The following PYY variants were observed in gnomAD, a reference collection of about 807,000 sequenced individuals.
The protein encoded by PYY is peptide tyrosine tyrosine.
A neutral mutation model predicts 10.3 loss-of-function variants in PYY; 12 were observed. The observed-to-expected ratio is 1.17, with a 90% CI of 0.75 to 1.89. The LOEUF (loss-of-function observed/expected upper bound fraction) is 1.89. PYY is among the 40% of genes most tolerant of loss of function. PYY has a pLI of 0.00. For synonymous variants in PYY, 66 were observed against 62.0 expected (o/e 1.06, Z -0.30); for missense variants, 141 against 134.0 (o/e 1.05, Z -0.26).
rs1642594 is a variant in PYY at position 43,987,907 on chromosome 17, G to A, written c.-463+16484C>T. Among the ~76,000 whole-genome samples the A allele has an allele frequency of 0.79, 120,743 of 152,158 alleles. 50,025 individuals carry two copies. Among genetic ancestry groups the A allele is most frequent in the South Asian group, 0.92 (4,433 of 4,822 alleles). On this transcript the variant is annotated intron_variant, in intron 1 of 6. Coordinates refer to the PYY transcript ENST00000360085. The surrounding 1 kb of genome is among the most constrained non-coding windows in gnomAD (Gnocchi z 4.0). Reference sequence around the variant, plus strand: ...TCGGTAGCAGGGAGGGGCAGAGAGCGGTGGGACATATGCCTCCATCTGTCC... The same window carrying A: ...TCGGTAGCAGGGAGGGGCAGAGAGCAGTGGGACATATGCCTCCATCTGTCC...
chr17:43,992,494 T>A (rs2048964087), intron 1 of PYY, among the ~76,000 whole-genome samples: 1 of 152,030 alleles, frequency 6.6e-6, no homozygotes, highest in Non-Finnish European at 1.5e-5. Flanking sequence ...GCGGATCACC[T>A]GAGGGCAGGA....
intron 1 of PYY, among the ~76,000 whole-genome samples, chr17:44,003,076 C>T (rs918016633): frequency 1.8e-4 from 28 of 152,070 alleles, no homozygotes; most frequent in African/African-American, 6.5e-4. Context: ...CTCATTCTGT[C>T]GCCCAGACGG....
At chr17:43,971,732 G>T (rs931182737) in intron 1 of PYY, among the ~76,000 whole-genome samples, 1 of 151,154 alleles carries the variant, frequency 6.6e-6, no homozygotes, top group African/African-American at 2.4e-5. Flanking sequence ...AGTTTGAAGG[G>T]TTCTTTATAT....
chr17:43,960,124 A>G (rs2048701240), intron 2 of PYY, among the ~76,000 whole-genome samples: 1 of 152,248 alleles, frequency 6.6e-6, no homozygotes, highest in Non-Finnish European at 1.5e-5. Flanking sequence ...TAAATATCAT[A>G]GATGTTTATT....
chr17:43,998,836 C>T (rs372294798), intron 1 of PYY, among the ~76,000 whole-genome samples: 7 of 152,136 alleles, frequency 4.6e-5, no homozygotes, highest in African/African-American at 1.2e-4. Context: ...GGGGGAATGG[C>T]GCTCTGATTT....
At chr17:43,990,563 G>A (rs534936866) in intron 1 of PYY, among the ~76,000 whole-genome samples, 29 of 151,750 alleles carry the variant, frequency 1.9e-4, no homozygotes, top group Non-Finnish European at 3.7e-4. Flanking sequence ...TACTTCTAAT[G>A]GCAAAAACCG....
intron 1 of PYY, among the ~76,000 whole-genome samples, chr17:43,994,690 G>A (rs2048979415): frequency 6.6e-6 from 1 of 152,182 alleles, no homozygotes; most frequent in East Asian, 1.9e-4. Flanking sequence ...CCCCACCTTC[G>A]TCCCAAATAA....
At chr17:43,984,086 C>A (rs1350047641) in intron 1 of PYY, among the ~76,000 whole-genome samples, 1 of 152,230 alleles carries the variant, frequency 6.6e-6, no homozygotes, top group Non-Finnish European at 1.5e-5. Context: ...CGGGCCATCG[C>A]TGATAAGAAA....
chr17:43,960,132 A>G (rs902530226), intron 2 of PYY, among the ~76,000 whole-genome samples: 1 of 152,242 alleles, frequency 6.6e-6, no homozygotes, highest in Non-Finnish European at 1.5e-5. Flanking sequence ...ATAGATGTTT[A>G]TTTCTCTCTT....
chr17:43,981,678 CG>C (rs1423499796), intron 1 of PYY, among the ~76,000 whole-genome samples: 10 of 151,978 alleles, frequency 6.6e-5, no homozygotes, highest in African/African-American at 2.4e-4. Flanking sequence ...TTAGTAGAGA[CG>C]GGGTTTCACC....
intron 1 of PYY, among the ~76,000 whole-genome samples, chr17:43,991,722 G>A (rs1235405116): frequency 3.3e-5 from 5 of 151,762 alleles, no homozygotes; most frequent in Non-Finnish European, 1.5e-5. Context: ...TACCTGGGAG[G>A]CTGAGGCTGG....
At chr17:43,995,369 T>C (rs2048984372) in intron 1 of PYY, among the ~76,000 whole-genome samples, 1 of 152,186 alleles carries the variant, frequency 6.6e-6, no homozygotes. Context: ...AGACAGAGTC[T>C]CGCTCTGTCA....
intron 1 of PYY, among the ~76,000 whole-genome samples, chr17:43,981,907 T>A (rs1163029119): frequency 6.6e-6 from 1 of 152,224 alleles, no homozygotes; most frequent in Non-Finnish European, 1.5e-5. Context: ...ATTCTATTTA[T>A]TTTTTGGAAA....
At chr17:43,977,631 C>G (rs768347950) in intron 1 of PYY, among the ~76,000 whole-genome samples, 1 of 152,160 alleles carries the variant, frequency 6.6e-6, no homozygotes, top group African/African-American at 2.4e-5. Context: ...TCACCCTACT[C>G]TGTGTCCTCA....
intron 1 of PYY, among the ~76,000 whole-genome samples, chr17:43,976,148 T>C (rs577134819): frequency 7.7e-6 from 1 of 129,072 alleles, no homozygotes; most frequent in African/African-American, 2.9e-5. Flanking sequence ...TATGTATATA[T>C]ACATATGTAT....
Position 43,989,883 on chromosome 17 carries a change from TATATATATATATATATAC to T in PYY, c.-463+14490_-463+14507del, listed in dbSNP as rs1439432357. ...ATATATATATATATATATATATATATATATATATATATATATACACACAAATCTATAAGTAAGACATTA... is the reference window on the plus strand; with the variant it reads ...ATATATATATATATATATATATATATACACAAATCTATAAGTAAGACATTA... On this transcript the variant is annotated intron_variant, in intron 1 of 6. Transcript: ENST00000360085. Among the ~76,000 whole-genome samples, 20 of 14,288 alleles carry T rather than the reference TATATATATATATATATAC, an allele frequency of 1.4e-3. 8 individuals carry two copies. The highest frequency in any genetic ancestry group is 3.6e-3 in the African/African-American group (20 of 5,532). The allele number at this position is 14,288 out of a possible 152,430, so 9.4% of individuals were successfully genotyped here.
intron 2 of PYY, 35 bp from the exon 3 acceptor site, chr17:43,953,224 T>C: frequency 6.5e-7 from 1 of 1,534,724 alleles, no homozygotes; most frequent in Non-Finnish European, 8.8e-7. Flanking sequence ...TGGTCAGATC[T>C]GGCCACGCCC....
At chr17:43,955,248 C>G (rs904360458), upstream of PYY, among the ~76,000 whole-genome samples, 2 of 152,210 alleles carry the variant, frequency 1.3e-5, no homozygotes, top group African/African-American at 4.8e-5. Flanking sequence ...CTTCCAGCTT[C>G]CTCTCCCTGG....
intron 1 of PYY, among the ~76,000 whole-genome samples, chr17:43,991,070 A>T (rs1263062113): frequency 2.0e-5 from 3 of 151,400 alleles, no homozygotes; most frequent in Non-Finnish European, 2.9e-5. Flanking sequence ...AGCGTGAGCC[A>T]CCGCGCCCGG....
Sources: gnomAD v4.1 joint callset for allele counts (sites outside exome capture counted in the v4.1 genomes callset) on GRCh38, gnomAD v4.1.1 for gene constraint, Gnocchi (gnomAD v3.1) non-coding constraint, MANE v1.5 for transcripts, NCBI Gene and HGNC (gene_info 2026-07-23, HGNC 2026-07-21) for gene names.